Variants in GIGYF2 observed in about 807,000 individuals in gnomAD.
GIGYF2 encodes GRB10 interacting GYF protein 2, also known as GRB10-interacting GYF protein 2.
Under a neutral mutation model 208.1 loss-of-function variants are expected in GIGYF2, and 25 were observed. The ratio of observed to expected loss-of-function variants is 0.12; its 90% CI spans 0.09 to 0.17. The LOEUF (loss-of-function observed/expected upper bound fraction) is 0.17. Among genes scored for constraint, GIGYF2 ranks in the 10% least tolerant of loss-of-function variants. The pLI, the probability that GIGYF2 is intolerant of heterozygous loss-of-function variation, is 1.00. For missense variants in GIGYF2, 1,302 were observed against 1,579.4 expected, an observed-to-expected ratio of 0.82 and a Z score of 2.98; for synonymous variants, 534 against 543.8, an observed-to-expected ratio of 0.98 and a Z score of 0.25.
intron 21 of GIGYF2, among the ~76,000 whole-genome samples, chr2:232,821,324 C>T (rs944702278): frequency 4.6e-5 from 7 of 152,164 alleles, no homozygotes; most frequent in Middle Eastern, 3.2e-3. Flanking sequence ...CTCAGCCTCC[C>T]GAGTAGCTGG....
At chr2:232,755,036 T>C (rs1246076023) in intron 5 of GIGYF2, among the ~76,000 whole-genome samples, 6 of 152,220 alleles carry the variant, frequency 3.9e-5, no homozygotes, top group East Asian at 1.9e-4. Context: ...TTTTAACGAT[T>C]AGATGTTGAC....
intron 2 of GIGYF2, among the ~76,000 whole-genome samples, chr2:232,716,775 T>C (rs1696702740): frequency 6.6e-6 from 1 of 152,166 alleles, no homozygotes; most frequent in East Asian, 1.9e-4. Context: ...GACATTCATT[T>C]AAAATAGTTT....
chr2:232,817,820 A>C (rs1700959441), intron 20 of GIGYF2, among the ~76,000 whole-genome samples: 1 of 152,174 alleles, frequency 6.6e-6, no homozygotes, highest in Non-Finnish European at 1.5e-5. Flanking sequence ...GCTATTGTGA[A>C]TAATGCTGCT....
intron 6 of GIGYF2, among the ~76,000 whole-genome samples, chr2:232,757,727 C>T (rs910528621): frequency 6.6e-6 from 1 of 151,234 alleles, no homozygotes; most frequent in African/African-American, 2.4e-5. Flanking sequence ...TGAATAACAC[C>T]GACTTTTGTG....
chr2:232,727,167 T>C (rs2106282975), intron 2 of GIGYF2, among the ~76,000 whole-genome samples: 1 of 152,300 alleles, frequency 6.6e-6, no homozygotes, highest in South Asian at 2.1e-4. Flanking sequence ...GGTTTCACTA[T>C]ATTGGCCAGG....
At chr2:232,782,685 T>TAAA (rs1164172624) in intron 8 of GIGYF2, 2 of 152,230 alleles carry the variant, frequency 1.3e-5, no homozygotes, top group South Asian at 4.1e-4. Flanking sequence ...CGGCAGCACA[T>TAAA]ACACTAAAAT....
chr2:232,803,040 C>T (rs1444353781), intron 14 of GIGYF2, among the ~76,000 whole-genome samples: 1 of 152,116 alleles, frequency 6.6e-6, no homozygotes, highest in East Asian at 1.9e-4. Flanking sequence ...GCTGAGATTA[C>T]AGGCGTGTGC....
chr2:232,806,202 T>C lies in GIGYF2; in HGVS notation c.1640-289T>C, dbSNP rs1173843665. On this transcript the variant is annotated intron_variant, in intron 14 of 28. Transcript: ENST00000373563. The surrounding 1 kb of genome is among the most constrained non-coding windows in gnomAD (Gnocchi z 4.0). ...GTAAATAGTTAACTCTTCAATTGTA[T>C]CATACTTTACTGACACATGAATTGT... Among the ~76,000 whole-genome samples, 3 of 152,244 alleles carry C rather than the reference T, an allele frequency of 2.0e-5. No homozygotes were observed. Among genetic ancestry groups the C allele is most frequent in the Non-Finnish European group, 4.4e-5 (3 of 68,042 alleles).
chr2:232,750,181 TAA>T (rs879926319), intron 5 of GIGYF2, among the ~76,000 whole-genome samples: 2 of 143,064 alleles, frequency 1.4e-5, no homozygotes, highest in Admixed American at 7.0e-5. Flanking sequence ...GAGACTCCAT[TAA>T]AAAAAAAAAA....
At chr2:232,768,174 T>TA in intron 8 of GIGYF2, 1 of 1,613,438 alleles carries the variant, frequency 6.2e-7, no homozygotes, top group Middle Eastern at 1.7e-4. Flanking sequence ...TTTAATACAT[T>TA]AAAAAATGGA....
At chr2:232,713,310 TCAAGTGATCGGCTGACTTTGGCCTCC>T (rs1696519158) in intron 2 of GIGYF2, among the ~76,000 whole-genome samples, 1 of 152,142 alleles carries the variant, frequency 6.6e-6, no homozygotes, top group African/African-American at 2.4e-5. Context: ...ACTCCTGACC[TCAAGTGATCGGCTGACTTTGGCCTCC>T]CAAAGTGCTG....
chr2:232,757,767 G>GCCCC (rs1312056991), intron 6 of GIGYF2, among the ~76,000 whole-genome samples: 1 of 132,894 alleles, frequency 7.5e-6, no homozygotes, highest in African/African-American at 2.9e-5. Context: ...TCTCTGAACA[G>GCCCC]CACCCCCCGC....
At chr2:232,744,936 A>T (rs982342031) in intron 3 of GIGYF2, among the ~76,000 whole-genome samples, 1 of 152,036 alleles carries the variant, frequency 6.6e-6, no homozygotes, top group African/African-American at 2.4e-5. Flanking sequence ...TTTATCTGTT[A>T]TGTTTGGGTT....
intron 8 of GIGYF2, among the ~76,000 whole-genome samples, chr2:232,763,705 C>T (rs1698835162): frequency 6.6e-6 from 1 of 151,930 alleles, no homozygotes; most frequent in Non-Finnish European, 1.5e-5. Context: ...GGGTGAGCAC[C>T]TGTACTTCCA....
At chr2:232,709,324 G>C (rs1371517056) in intron 2 of GIGYF2, among the ~76,000 whole-genome samples, 1 of 152,054 alleles carries the variant, frequency 6.6e-6, no homozygotes, top group African/African-American at 2.4e-5. Flanking sequence ...GGTAAATTTT[G>C]ATTGCAAAAT....
chr2:232,823,117 C>A (rs1170886914), intron 21 of GIGYF2, among the ~76,000 whole-genome samples: 1 of 151,848 alleles, frequency 6.6e-6, no homozygotes, highest in Admixed American at 6.6e-5. Flanking sequence ...TTTTTTCATT[C>A]TGCTTATATG....
rs1278639395 is a variant in GIGYF2, at chr2:232,778,783, G to GA, written c.533-8363dup. Among the ~76,000 whole-genome samples, 3 of 152,264 alleles carry GA rather than the reference G, an allele frequency of 2.0e-5. No individual in the cohort carries two copies. In the East Asian group the frequency reaches 5.8e-4, roughly 29 times the overall value. On this transcript the variant is annotated intron_variant, in intron 8 of 28. Coordinates refer to ENST00000373563, the MANE Select transcript of GIGYF2 (RefSeq NM_001103146.3). ...GGGGGAAGGTATTGACAAGCTGTGGGAAAATGAGGGGAGGAAATGTATGAT... is the reference window on the plus strand; with the variant it reads ...GGGGGAAGGTATTGACAAGCTGTGGGAAAAATGAGGGGAGGAAATGTATGAT...
intron 8 of GIGYF2, chr2:232,776,620 G>A: frequency 1.6e-6 from 1 of 637,160 alleles, no homozygotes; most frequent in Non-Finnish European, 2.8e-6. Flanking sequence ...GGTTTCAGCT[G>A]AGGTTGATGT....
Position 232,856,821 on chromosome 2 carries a change from A to G in GIGYF2, c.3861A>G (p.Arg1287=). The change falls in exon 29 of 29, where the codon CGA becomes CGG. Residue 1287 remains arginine (R), a synonymous_variant. Coordinates refer to ENST00000373563, the MANE Select transcript of GIGYF2 (RefSeq NM_001103146.3). ...TTTCAGTCAATGCATCATCGGAGCG[A>G]CTCAACATGGGTGAAATCGAGACGT... The part of the protein sequence containing the change: ...LGFSVNASSE[R]LNMGEIETLD... 1 of 1,613,550 alleles carries G rather than the reference A, an allele frequency of 6.2e-7. No homozygotes were observed. Among genetic ancestry groups the G allele is most frequent in the Non-Finnish European group, 8.5e-7 (1 of 1,179,566 alleles).
Sources: allele counts gnomAD v4.1 joint callset (sites outside exome capture counted in the v4.1 genomes callset), GRCh38; gene constraint gnomAD v4.1.1; non-coding constraint Gnocchi (gnomAD v3.1); transcripts MANE v1.5; gene names NCBI Gene and HGNC (gene_info 2026-07-23, HGNC 2026-07-21).